Variants in DTX4 observed in about 807,000 individuals in gnomAD.
DTX4 encodes the protein E3 ubiquitin-protein ligase DTX4.
A neutral mutation model predicts 57.6 loss-of-function variants in DTX4; 28 were observed. The observed-to-expected ratio is 0.49, with a 90% confidence interval of 0.36 to 0.67. DTX4 has a LOEUF of 0.67. DTX4 is among the 30% of genes least tolerant of loss of function. DTX4 has a pLI of 0.00. For missense variants in DTX4, 715 were observed against 836.8 expected (o/e 0.85, Z 1.80); for synonymous variants, 316 against 331.0 (o/e 0.95, Z 0.49).
chr11:59,186,105 A>G (rs950046943), intron 2 of DTX4, among the ~76,000 whole-genome samples: 2 of 152,038 alleles, frequency 1.3e-5, no homozygotes. Flanking sequence ...TCCTTCCCAG[A>G]GCCCAGTGAC....
chr11:59,186,112 T>A (rs1862524893), intron 2 of DTX4, among the ~76,000 whole-genome samples: 1 of 152,024 alleles, frequency 6.6e-6, no homozygotes, highest in Non-Finnish European at 1.5e-5. Context: ...CAGAGCCCAG[T>A]GACAAGCCTA....
intron 6 of DTX4, 114 bp from the exon 7 acceptor site, chr11:59,195,094 C>T: frequency 9.2e-7 from 1 of 1,082,944 alleles, no homozygotes; most frequent in Non-Finnish European, 1.4e-6. Flanking sequence ...CTATCACTCA[C>T]CAGGGTGCAT....
intron 2 of DTX4, among the ~76,000 whole-genome samples, chr11:59,184,340 C>G (rs1281566786): frequency 6.6e-6 from 1 of 152,242 alleles, no homozygotes; most frequent in Admixed American, 6.5e-5. Flanking sequence ...TTTGCATCCT[C>G]TGTCTTCAGT....
At chr11:59,186,633 C>T (rs1174829115) in intron 2 of DTX4, among the ~76,000 whole-genome samples, 1 of 152,180 alleles carries the variant, frequency 6.6e-6, no homozygotes, top group Non-Finnish European at 1.5e-5. Context: ...CGTCTTCTAA[C>T]CCAAGACCCT....
intron 2 of DTX4, among the ~76,000 whole-genome samples, chr11:59,185,759 G>A (rs534956259): frequency 4.6e-5 from 7 of 152,260 alleles, no homozygotes; most frequent in Admixed American, 2.6e-4. Context: ...AGCAGAAAAC[G>A]TCTTTATTCA....
rs1396583211 is a variant in DTX4 at position 59,172,363 on chromosome 11, C to CCGG, written c.-218_-216dup. The CCGG allele has an allele frequency of 1.1e-4, 18 of 164,206 alleles. No homozygotes were observed. Among genetic ancestry groups the CCGG allele is most frequent in the South Asian group, 1.7e-4 (1 of 5,842 alleles). The allele number at this position is 164,206 out of a possible 1,614,324, so 10.2% of individuals were successfully genotyped here. On this transcript the variant is annotated 5_prime_UTR_variant, in exon 1 of 9. Coordinates refer to ENST00000227451, the MANE Select transcript of DTX4 (RefSeq NM_015177.2). ...AGAGCAGCGGCAGCAGCAGCGGACC[C>CCGG]CGGCGGCGGCGGCGGCGCGCGGTCC...
intron 1 of DTX4, among the ~76,000 whole-genome samples, chr11:59,174,493 C>T (rs1463184980): frequency 1.7e-5 from 1 of 58,756 alleles, no homozygotes; most frequent in Non-Finnish European, 2.9e-5. Context: ...CAGGGGATTC[C>T]AGTCCTGGAA....
At chr11:59,201,885 A>G (rs1468488596) in intron 8 of DTX4, among the ~76,000 whole-genome samples, 1 of 152,192 alleles carries the variant, frequency 6.6e-6, no homozygotes, top group Admixed American at 6.5e-5. Context: ...TGACATATTC[A>G]GAGTCCCTGG....
At chr11:59,183,585 AT>A (rs992239908) in intron 2 of DTX4, among the ~76,000 whole-genome samples, 4 of 152,060 alleles carry the variant, frequency 2.6e-5, no homozygotes, top group African/African-American at 9.7e-5. Flanking sequence ...GCTGATCCGG[AT>A]GGTTTTCAAT....
At chr11:59,194,299 T>C (rs1423939281) in intron 6 of DTX4, among the ~76,000 whole-genome samples, 1 of 152,228 alleles carries the variant, frequency 6.6e-6, no homozygotes, top group Non-Finnish European at 1.5e-5. Context: ...CTCTTTATAG[T>C]ATGATTTAAA....
In DTX4 at chr11:59,172,705, G is replaced by A; in HGVS notation, c.110G>A (p.Gly37Asp). ...CACATCGAGGCGGTGGTCCGCGCCG[G>A]CCCCCGCGCGGGGGGCAGCGTGGTG... The part of the protein sequence containing the change: ...SHHIEAVVRA[G>D]PRAGGSVVLG... Residue 37 changes from glycine (G) to aspartate (D), a missense_variant, in exon 1 of 9, where the codon GGC (glycine) becomes GAC (aspartate). By Grantham distance (94) the Gly-to-Asp change is moderately conservative. Transcript: ENST00000227451. 6.2e-7 allele frequency: 1 copy of A among 1,601,408 alleles called. No individual in the cohort carries two copies. Among genetic ancestry groups the A allele is most frequent in the East Asian group, 2.3e-5 (1 of 44,360 alleles).
chr11:59,191,505 C>A (rs1452636605), intron 5 of DTX4, among the ~76,000 whole-genome samples: 1 of 152,172 alleles, frequency 6.6e-6, no homozygotes, highest in Non-Finnish European at 1.5e-5. Context: ...CAACCAGAGA[C>A]AATTTGGCCC....
chr11:59,191,002 T>C, intron 4 of DTX4, 112 bp from the exon 5 acceptor site: 1 of 932,894 alleles, frequency 1.1e-6, no homozygotes, highest in Non-Finnish European at 1.6e-6. Flanking sequence ...ATTCCTCCCC[T>C]TTTTGCTTTT....
At chr11:59,200,048 T>C (rs1862722097) in intron 8 of DTX4, among the ~76,000 whole-genome samples, 2 of 152,212 alleles carry the variant, frequency 1.3e-5, no homozygotes, top group Admixed American at 6.5e-5. Flanking sequence ...CTGGGTAATT[T>C]ATGAAGGAAA....
At chr11:59,177,213 C>T (rs1385788543) in intron 1 of DTX4, among the ~76,000 whole-genome samples, 1 of 152,170 alleles carries the variant, frequency 6.6e-6, no homozygotes, top group Non-Finnish European at 1.5e-5. Context: ...TGTACCCATG[C>T]ACCACTCAAG....
chr11:59,185,124 G>T (rs1439866138), intron 2 of DTX4: 1 of 152,224 alleles, frequency 6.6e-6, no homozygotes, highest in Non-Finnish European at 1.5e-5. Flanking sequence ...AGAAGCAGGG[G>T]TTTTCTAAAG....
At chr11:59,197,943 C>T (rs934600304) in intron 7 of DTX4, among the ~76,000 whole-genome samples, 1 of 152,160 alleles carries the variant, frequency 6.6e-6, no homozygotes, top group African/African-American at 2.4e-5. Context: ...TGCATGCTGC[C>T]TTGACGGGTA....
Position 59,192,296 on chromosome 11 carries a change from C to A in DTX4, c.1374+46C>A, listed in dbSNP as rs113471609. ...CTCCTGCCACCCTTCACACTGGGCT[C>A]TGGAGTAGCAAGATGGTGAAGGCCC... On this transcript the variant is annotated intron_variant, in intron 6 of 8. Coordinates refer to ENST00000227451, the MANE Select transcript of DTX4 (RefSeq NM_015177.2). 6,518 of 1,609,954 alleles carry A rather than the reference C, an allele frequency of 4.0e-3. 154 individuals carry two copies. In the African/African-American group the frequency reaches 0.044, roughly 11 times the overall value.
At chr11:59,183,527 C>T (rs1219629637) in intron 2 of DTX4, among the ~76,000 whole-genome samples, 1 of 152,210 alleles carries the variant, frequency 6.6e-6, no homozygotes, top group Non-Finnish European at 1.5e-5. Context: ...CCAATCTTCC[C>T]TTTCTGTCTC....
Sources: gnomAD v4.1 joint callset for allele counts (sites outside exome capture counted in the v4.1 genomes callset) on GRCh38, gnomAD v4.1.1 for gene constraint, MANE v1.5 for transcripts, NCBI Gene and HGNC (gene_info 2026-07-23, HGNC 2026-07-21) for gene names.